Variants in GLIS3 observed in about 807,000 individuals in gnomAD.
The protein encoded by GLIS3 is GLIS family zinc finger 3, also known as zinc finger protein GLIS3.
GLIS3 carries 53 observed loss-of-function variants against 78.6 expected under a neutral mutation model. That is an observed-to-expected ratio of 0.67 (90% CI 0.54 to 0.85). The LOEUF is 0.85. Among genes scored for constraint, GLIS3 ranks in the 40% least tolerant of loss-of-function variants. The probability of loss-of-function intolerance (pLI) is 0.00; values close to 1 mark genes in which losing one functional copy is unlikely to be tolerated. For missense variants in GLIS3, 1,703 were observed against 1,231.1 expected, an observed-to-expected ratio of 1.38 and a Z score of -5.74; for synonymous variants, 684 against 509.9, an observed-to-expected ratio of 1.34 and a Z score of -4.60.
chr9:3,931,070 GA>G (rs1219826018), intron 6 of GLIS3, among the ~76,000 whole-genome samples: 1 of 152,056 alleles, frequency 6.6e-6, no homozygotes, highest in Non-Finnish European at 1.5e-5. Flanking sequence ...AATGATCACA[GA>G]TATCAATTTA....
intron 1 of GLIS3, among the ~76,000 whole-genome samples, chr9:4,286,921 G>A (rs1253806236): frequency 6.6e-6 from 1 of 152,190 alleles, no homozygotes; most frequent in Non-Finnish European, 1.5e-5. Context: ...TGAGACCAAT[G>A]CTTCAAAGTT....
In GLIS3 at chr9:4,334,576, G is replaced by T. The variant is rs1025726006; in HGVS notation, n.264+12505C>A. ...GCGTTGTCATGGGGAAGTTATTGTT[G>T]TCCTCCTGGCAACAGGTTACCTAGG... On this transcript the variant is annotated intron_variant and non_coding_transcript_variant, in intron 2 of 4. Transcript: ENST00000471664. Among the ~76,000 whole-genome samples the T allele has an allele frequency of 4.6e-5, 7 of 152,222 alleles. No homozygotes were observed. In the East Asian group the frequency reaches 1.3e-3, roughly 29 times the overall value.
chr9:3,891,906 G>A (rs978132018), intron 7 of GLIS3, among the ~76,000 whole-genome samples: 1 of 152,102 alleles, frequency 6.6e-6, no homozygotes, highest in Admixed American at 6.6e-5. Context: ...CCAGCCTGAG[G>A]AGCAAATTCC....
At chr9:4,054,522 A>C (rs1347688202) in intron 4 of GLIS3, 1 of 984,652 alleles carries the variant, frequency 1.0e-6, no homozygotes. Context: ...GTCTACAGAG[A>C]AGGAGGCAAA....
At chr9:4,447,661 C>T in the GLIS3 span, among the ~76,000 whole-genome samples, 2 of 152,296 alleles carry the variant, frequency 1.3e-5, no homozygotes, top group Non-Finnish European at 2.9e-5. Flanking sequence ...CTGACCTTTG[C>T]CTCCAGGTAC....
the GLIS3 span, among the ~76,000 whole-genome samples, chr9:4,432,465 G>C: frequency 6.6e-6 from 1 of 152,050 alleles, no homozygotes; most frequent in African/African-American, 2.4e-5. Flanking sequence ...GGAGCAAGGT[G>C]AGAGGTAAGT....
the GLIS3 span, among the ~76,000 whole-genome samples, chr9:4,408,427 A>AT: frequency 0.45 from 66,219 of 146,100 alleles, 15,387 homozygotes; most frequent in Admixed American, 0.52. Context: ...GTTAATGGAT[A>AT]TTAAAAAAAA....
rs560316000 is a variant in GLIS3 at position 4,118,143 on chromosome 9, G to C, written c.1335C>G (p.Pro445=). 14 of 1,548,820 alleles carry C rather than the reference G, an allele frequency of 9.0e-6. No individual in the cohort carries two copies. The highest frequency in any genetic ancestry group is 6.8e-5 in the East Asian group (3 of 44,006). Residue 445 remains proline, a synonymous_variant, in exon 4 of 11, where the codon CCC becomes CCG. Transcript: ENST00000381971. The surrounding 1 kb of genome is among the most constrained non-coding windows in gnomAD (Gnocchi z 4.7). ...GCGGCAGAGGAGGGAGCGGAGGCGC[G>C]GGGGGTAGGTCTACGGTGCTGCCCG... ...EFPGSTVDLP[P]APPLPPLPPP... is the part of the protein sequence containing the mutation.
the GLIS3 span, among the ~76,000 whole-genome samples, chr9:4,410,947 GTTT>G: frequency 6.6e-6 from 1 of 151,890 alleles, no homozygotes; most frequent in Non-Finnish European, 1.5e-5. Context: ...AAACTCTTGG[GTTT>G]TTTTCTTAAA....
intron 6 of GLIS3, among the ~76,000 whole-genome samples, chr9:3,928,865 A>C (rs1475814941): frequency 6.6e-6 from 1 of 152,204 alleles, no homozygotes; most frequent in East Asian, 1.9e-4. Context: ...TGGATGAAAG[A>C]TTCATGTCAC....
intron 2 of GLIS3, among the ~76,000 whole-genome samples, chr9:4,233,961 C>T (rs1366739941): frequency 6.6e-6 from 1 of 152,202 alleles, no homozygotes; most frequent in Non-Finnish European, 1.5e-5. Context: ...ACTTCATAAA[C>T]CAACTTCTGC....
chr9:4,012,985 C>A (rs1470965946), intron 4 of GLIS3, among the ~76,000 whole-genome samples: 1 of 152,004 alleles, frequency 6.6e-6, no homozygotes, highest in Admixed American at 6.6e-5. Flanking sequence ...GTTGGCCAGG[C>A]TGGTCTCAAA....
intron 2 of GLIS3, among the ~76,000 whole-genome samples, chr9:4,326,340 G>A (rs1225856633): frequency 1.3e-5 from 2 of 152,204 alleles, no homozygotes; most frequent in Non-Finnish European, 2.9e-5. Context: ...TAAACAAAAT[G>A]TGGTATATAC....
At chr9:4,031,281 C>T (rs1343859133) in intron 4 of GLIS3, among the ~76,000 whole-genome samples, 1 of 152,074 alleles carries the variant, frequency 6.6e-6, no homozygotes, top group East Asian at 1.9e-4. Flanking sequence ...GTGACATGTA[C>T]ATGCAATGGA....
upstream of GLIS3, among the ~76,000 whole-genome samples, chr9:4,301,299 G>C (rs10115331): frequency 0.047 from 7,115 of 152,208 alleles, 518 homozygotes; most frequent in African/African-American, 0.15. Context: ...CAGTTTTCCA[G>C]TTTCTCTCTG....
intron 9 of GLIS3, among the ~76,000 whole-genome samples, chr9:3,853,137 T>G (rs1819539214): frequency 5.9e-5 from 9 of 152,194 alleles, no homozygotes; most frequent in Admixed American, 5.9e-4. Context: ...CCCAGGAATT[T>G]GAGGCTGCAG....
the GLIS3 span, among the ~76,000 whole-genome samples, chr9:4,390,719 A>T: frequency 6.6e-6 from 1 of 152,182 alleles, no homozygotes; most frequent in African/African-American, 2.4e-5. Context: ...TTCCCCACCC[A>T]GTAGTCCACT....
chr9:4,273,838 A>C (rs1447114015), intron 2 of GLIS3, among the ~76,000 whole-genome samples: 1 of 152,052 alleles, frequency 6.6e-6, no homozygotes, highest in East Asian at 1.9e-4. Context: ...TCTTGACTCC[A>C]AATTTCCAAA....
At chr9:4,102,882 C>T (rs917214533) in intron 4 of GLIS3, among the ~76,000 whole-genome samples, 120 of 152,012 alleles carry the variant, frequency 7.9e-4, no homozygotes, top group African/African-American at 2.8e-3. Context: ...TTTTCTATGT[C>T]ATCCTTAAGA....
Sources: allele counts gnomAD v4.1 joint callset (sites outside exome capture counted in the v4.1 genomes callset), GRCh38; gene constraint gnomAD v4.1.1; non-coding constraint Gnocchi (gnomAD v3.1); transcripts MANE v1.5; gene names NCBI Gene and HGNC (gene_info 2026-07-23, HGNC 2026-07-21).